ANKRD44: variants seen among roughly 807,000 people sequenced by gnomAD.
The protein encoded by ANKRD44 is serine/threonine-protein phosphatase 6 regulatory ankyrin repeat subunit B.
In ANKRD44, 35 loss-of-function variants were observed where a neutral mutation model predicts 116.0. The observed-to-expected ratio is 0.30, with a 90% CI of 0.23 to 0.40. ANKRD44 has a LOEUF of 0.40. Ranked by LOEUF, ANKRD44 falls within the 10% of genes least tolerant of loss-of-function variation. ANKRD44 has a pLI of 1.00. For missense variants in ANKRD44, 1,014 were observed against 1,242.6 expected (o/e 0.82, Z 2.77); for synonymous variants, 435 against 461.8 (o/e 0.94, Z 0.74).
In ANKRD44 at chr2:197,121,486, T is replaced by C; in HGVS notation, c.752A>G (p.Gln251Arg). The C allele has an allele frequency of 6.2e-7, 1 of 1,614,252 alleles. No homozygotes were observed. The highest frequency in any genetic ancestry group is 1.1e-5 in the South Asian group (1 of 91,090). The change falls in exon 8 of 28, where the codon CAG becomes CGG. Residue 251 changes from glutamine (Q) to arginine (R), a missense_variant. By Grantham distance (43) the Gln-to-Arg change is conservative (BLOSUM62 1). Coordinates refer to ENST00000282272, the MANE Select transcript of ANKRD44 (RefSeq NM_001195144.2). ...AATCAACTCGTTAACCACAGCATCC[T>C]GTCCATTGTAGCAGGCGATGTGAAG... ...TALHIACYNG[Q>R]DAVVNELIDY... is the part of the protein sequence containing the mutation.
intron 2 of ANKRD44, among the ~76,000 whole-genome samples, chr2:197,147,496 T>A (rs1210448411): frequency 1.3e-5 from 2 of 152,186 alleles, no homozygotes; most frequent in Non-Finnish European, 2.9e-5. Context: ...ACTTATTTTC[T>A]TTCTAAGGAA....
chr2:197,119,581 A>AT (rs1429127495), intron 8 of ANKRD44, among the ~76,000 whole-genome samples: 3 of 152,220 alleles, frequency 2.0e-5, no homozygotes, highest in Admixed American at 1.3e-4. Flanking sequence ...GATACAATCA[A>AT]TTGCTATTCT....
chr2:197,228,549 G>A (rs530669839), intron 1 of ANKRD44, among the ~76,000 whole-genome samples: 1 of 152,320 alleles, frequency 6.6e-6, no homozygotes, highest in African/African-American at 2.4e-5. Flanking sequence ...TTCTGTCACA[G>A]GCACAGCAAT....
chr2:197,267,017 A>T (rs1486110252), intron 1 of ANKRD44, among the ~76,000 whole-genome samples: 1 of 152,220 alleles, frequency 6.6e-6, no homozygotes, highest in Non-Finnish European at 1.5e-5. Context: ...ACATATTCTC[A>T]GCACCTAGAA....
intron 1 of ANKRD44, among the ~76,000 whole-genome samples, chr2:197,230,722 G>A (rs2081838523): frequency 3.3e-5 from 5 of 152,182 alleles, no homozygotes; most frequent in Admixed American, 3.3e-4. Context: ...TCATGTTACA[G>A]TGGGAAGCAA....
At chr2:197,101,425 C>T (rs1437118112) in intron 9 of ANKRD44, among the ~76,000 whole-genome samples, 1 of 152,146 alleles carries the variant, frequency 6.6e-6, no homozygotes, top group African/African-American at 2.4e-5. Context: ...TATTCCATTA[C>T]CAGGTGATGC....
chr2:197,152,763 T>C (rs1309420516), intron 2 of ANKRD44, among the ~76,000 whole-genome samples: 1 of 152,210 alleles, frequency 6.6e-6, no homozygotes, highest in African/African-American at 2.4e-5. Context: ...TTAAGAATTG[T>C]TACATGCTTT....
intron 1 of ANKRD44, among the ~76,000 whole-genome samples, chr2:197,210,044 A>G (rs1373807742): frequency 6.6e-6 from 1 of 152,192 alleles, no homozygotes; most frequent in African/African-American, 2.4e-5. Context: ...CTTTGAGTTA[A>G]AGTTTCCCCT....
intron 9 of ANKRD44, among the ~76,000 whole-genome samples, chr2:197,107,297 T>G (rs1171788511): frequency 6.6e-6 from 1 of 152,208 alleles, no homozygotes; most frequent in African/African-American, 2.4e-5. Context: ...TTTTTAAAGC[T>G]TCTGTGAAGA....
At chr2:197,282,952 G>A (rs1426801603) in intron 1 of ANKRD44, among the ~76,000 whole-genome samples, 1 of 152,196 alleles carries the variant, frequency 6.6e-6, no homozygotes, top group Non-Finnish European at 1.5e-5. Context: ...CCAGCCTGTG[G>A]ATTATTACTT....
At chr2:197,225,847 C>A (rs1484663371) in intron 1 of ANKRD44, among the ~76,000 whole-genome samples, 2 of 152,178 alleles carry the variant, frequency 1.3e-5, no homozygotes, top group African/African-American at 4.8e-5. Flanking sequence ...AAATAGTTTG[C>A]AAGCCAAACG....
intron 1 of ANKRD44, among the ~76,000 whole-genome samples, chr2:197,228,526 A>T (rs945052242): frequency 2.6e-5 from 4 of 152,128 alleles, no homozygotes; most frequent in African/African-American, 7.2e-5. Flanking sequence ...GTTCTAGTTA[A>T]CCACCCTCAC....
intron 21 of ANKRD44, among the ~76,000 whole-genome samples, chr2:196,978,778 A>G (rs2075777391): frequency 6.6e-6 from 1 of 151,806 alleles, no homozygotes; most frequent in Admixed American, 6.6e-5. Flanking sequence ...ATTATATCTC[A>G]ATGGAGCTTT....
At chr2:197,221,918 C>A (rs760893149) in intron 1 of ANKRD44, among the ~76,000 whole-genome samples, 14 of 152,180 alleles carry the variant, frequency 9.2e-5, no homozygotes, top group Non-Finnish European at 1.6e-4. Flanking sequence ...GCTCTTCCCC[C>A]TCTTGGGTCA....
intron 8 of ANKRD44, among the ~76,000 whole-genome samples, chr2:197,118,643 G>GAAAGAAAGAAAGAAAGAAAA (rs2078775345): frequency 1.4e-5 from 2 of 147,236 alleles, no homozygotes; most frequent in African/African-American, 2.5e-5. Context: ...GAGAGAGAAA[G>GAAAGAAAGAAAGAAAGAAAA]AAAGAAAGAA....
At chr2:196,992,158 G>A (rs1574229439) in intron 27 of ANKRD44, among the ~76,000 whole-genome samples, 2 of 152,194 alleles carry the variant, frequency 1.3e-5, no homozygotes, top group Admixed American at 1.3e-4. Flanking sequence ...GCTGGCCAAA[G>A]TTTCCACTAC....
At chr2:197,280,936 C>T (rs186430483) in intron 1 of ANKRD44, among the ~76,000 whole-genome samples, 5 of 151,552 alleles carry the variant, frequency 3.3e-5, no homozygotes, top group Admixed American at 3.3e-4. Flanking sequence ...TCAGTGGGGC[C>T]CAAAAAAGAA....
intron 1 of ANKRD44, among the ~76,000 whole-genome samples, chr2:197,196,465 C>CT (rs1343473577): frequency 1.3e-4 from 20 of 152,164 alleles, no homozygotes; most frequent in African/African-American, 4.1e-4. Context: ...TGATCCATAA[C>CT]TACAGAAGTA....
chr2:197,287,242 G>A (rs143839918), intron 1 of ANKRD44, among the ~76,000 whole-genome samples: 169 of 152,048 alleles, frequency 1.1e-3, no homozygotes, highest in Non-Finnish European at 9.4e-4. Flanking sequence ...ACATAAAATT[G>A]CCCTAAAAAT....
Sources: allele counts gnomAD v4.1 joint callset (sites outside exome capture counted in the v4.1 genomes callset), GRCh38; gene constraint gnomAD v4.1.1; transcripts MANE v1.5; gene names NCBI Gene and HGNC (gene_info 2026-07-23, HGNC 2026-07-21).